The following PKHD1 variants were observed in gnomAD, a reference collection of about 807,000 sequenced individuals.
The protein encoded by PKHD1 is PKHD1 ciliary IPT domain containing fibrocystin/polyductin, also known as fibrocystin.
PKHD1 carries 291 observed loss-of-function variants against 412.0 expected under a neutral mutation model. The ratio of observed to expected loss-of-function variants is 0.71; its 90% CI spans 0.64 to 0.78. PKHD1 has a LOEUF of 0.78. Among genes scored for constraint, PKHD1 ranks in the 30% least tolerant of loss-of-function variants. The pLI is 0.00. For missense variants in PKHD1, 4,825 were observed against 4,950.7 expected, an observed-to-expected ratio of 0.97 and a Z score of 0.76; for synonymous variants, 1,777 against 1,821.5, an observed-to-expected ratio of 0.98 and a Z score of 0.62.
At chr6:51,951,496 A>G (rs1790359485) in intron 36 of PKHD1, among the ~76,000 whole-genome samples, 1 of 152,166 alleles carries the variant, frequency 6.6e-6, no homozygotes, top group Non-Finnish European at 1.5e-5. Context: ...CACCTCTCTA[A>G]GCAACTTGTT....
At chr6:51,680,225 G>C (rs1427219015) in intron 60 of PKHD1, among the ~76,000 whole-genome samples, 1 of 151,956 alleles carries the variant, frequency 6.6e-6, no homozygotes, top group African/African-American at 2.4e-5. Context: ...GATATTGGCA[G>C]CTAATCTCAG....
At chr6:51,867,668 A>G (rs1775296231) in intron 48 of PKHD1, among the ~76,000 whole-genome samples, 195 bp downstream of exon 48, 1 of 152,148 alleles carries the variant, frequency 6.6e-6, no homozygotes, top group South Asian at 2.1e-4. Flanking sequence ...ATTGCTAGTT[A>G]GCTGCCATTT....
chr6:51,917,725 G>A (rs1436965368), intron 37 of PKHD1, among the ~76,000 whole-genome samples: 2 of 152,176 alleles, frequency 1.3e-5, no homozygotes, highest in African/African-American at 4.8e-5. Flanking sequence ...GGCATGGCCA[G>A]AGTACAGGTA....
chr6:51,781,209 G>C (rs1034663563), intron 53 of PKHD1, among the ~76,000 whole-genome samples: 23 of 152,140 alleles, frequency 1.5e-4, no homozygotes, highest in African/African-American at 5.3e-4. Flanking sequence ...TTCTGAATTA[G>C]CTTTTAATTC....
At chr6:51,939,289 C>T (rs1457706069) in intron 36 of PKHD1, among the ~76,000 whole-genome samples, 2 of 151,194 alleles carry the variant, frequency 1.3e-5, no homozygotes, top group Non-Finnish European at 3.0e-5. Flanking sequence ...AACGCCCAGA[C>T]CCCTTCTCTC....
At chr6:51,906,391 T>C (rs1008947659) in intron 40 of PKHD1, 51 bp from the exon 41 acceptor site, 7 of 1,504,602 alleles carry the variant, frequency 4.7e-6, no homozygotes, top group Non-Finnish European at 6.5e-6. Context: ...TGAGATTCTG[T>C]TGACCATATT....
intron 28 of PKHD1, 35 bp from the exon 29 acceptor site, chr6:52,033,200 T>C (rs770399153): frequency 4.4e-6 from 7 of 1,573,784 alleles, no homozygotes; most frequent in Non-Finnish European, 1.7e-6. Context: ...AACCTCAGTT[T>C]TATTTTAAAG....
intron 54 of PKHD1, among the ~76,000 whole-genome samples, chr6:51,773,165 C>T (rs556851149): frequency 3.3e-5 from 5 of 151,894 alleles, no homozygotes; most frequent in Non-Finnish European, 7.4e-5. Context: ...TTTTGTTACA[C>T]ACTAGGTTCT....
intron 60 of PKHD1, among the ~76,000 whole-genome samples, chr6:51,731,008 C>T (rs1229998554): frequency 6.6e-6 from 1 of 152,168 alleles, no homozygotes; most frequent in Non-Finnish European, 1.5e-5. Flanking sequence ...TCAGCCTTGA[C>T]CTCTCAGGCT....
At chr6:52,056,584 ATT>A in intron 18 of PKHD1, 112 bp downstream of exon 18, 8 of 772,826 alleles carry the variant, frequency 1.0e-5, no homozygotes, top group Admixed American at 2.0e-5. Context: ...CAGGTTTCAT[ATT>A]TTTTTTTTAC....
At chr6:52,012,928 G>T (rs2128122008) in intron 34 of PKHD1, among the ~76,000 whole-genome samples, 1 of 152,264 alleles carries the variant, frequency 6.6e-6, no homozygotes, top group South Asian at 2.1e-4. Context: ...CTAGAATTTT[G>T]TCAGGGATAA....
intron 60 of PKHD1, among the ~76,000 whole-genome samples, chr6:51,698,455 T>C (rs1436700540): frequency 6.6e-6 from 1 of 152,208 alleles, no homozygotes; most frequent in Non-Finnish European, 1.5e-5. Flanking sequence ...CATGAAACAC[T>C]GGTCTAATGC....
intron 10 of PKHD1, 106 bp from the exon 11 acceptor site, chr6:52,069,633 T>C (rs1322858476): frequency 1.9e-5 from 16 of 828,066 alleles, no homozygotes; most frequent in Non-Finnish European, 3.4e-5. Flanking sequence ...TCTATTGATC[T>C]TTAGAACAGT....
At chr6:51,904,747 T>C (rs1209091907) in intron 41 of PKHD1, among the ~76,000 whole-genome samples, 2 of 152,218 alleles carry the variant, frequency 1.3e-5, no homozygotes, top group East Asian at 3.8e-4. Context: ...AAATTCTGCC[T>C]ACAGGTTTTC....
intron 37 of PKHD1, among the ~76,000 whole-genome samples, chr6:51,921,238 C>T (rs1315663016): frequency 1.3e-5 from 2 of 152,028 alleles, no homozygotes; most frequent in Non-Finnish European, 2.9e-5. Flanking sequence ...TAGGTCTTTC[C>T]TGCTTTCTCT....
Position 51,791,348 on chromosome 6 carries a change from A to T in PKHD1, c.8328T>A (p.Asp2776Glu), listed in dbSNP as rs763821893. Residue 2776 changes from aspartate (D) to glutamate (E), a missense_variant, in exon 53 of 67, where the codon GAT becomes GAA. By Grantham distance (45) the Asp-to-Glu change is conservative. Transcript: ENST00000371117. ...LPNRTVLVDT[D>E]LPFFKGLYVM... ...CATACAGCCCTTTGAAGAATGGAAG[A>T]TCTGTATCCACAAGGACAGTTCTGT... is the stretch of plus-strand genomic sequence containing the variant. The T allele has an allele frequency of 5.6e-6, 9 of 1,613,614 alleles. No individual in the cohort carries two copies. The highest frequency in any genetic ancestry group is 1.1e-5 in the South Asian group (1 of 91,068).
intron 60 of PKHD1, among the ~76,000 whole-genome samples, chr6:51,736,016 T>C (rs1279473665): frequency 6.6e-6 from 1 of 152,200 alleles, no homozygotes; most frequent in Non-Finnish European, 1.5e-5. Context: ...TTACCTAATG[T>C]CTACATCAGT....
At position 51,847,817 on chromosome 6, in the gene PKHD1, C is replaced by T. The variant is rs776855458; in HGVS notation, c.8065G>A (p.Asp2689Asn). Residue 2689 changes from aspartate (D) to asparagine (N), a missense_variant, in exon 50 of 67, where the codon GAC becomes AAC. By Grantham distance (23) the Asp-to-Asn change is conservative (BLOSUM62 1). Transcript: ENST00000371117. ...LPSPGQNQGC[D>N]WFFNSQLRQL... Reference sequence around the variant, plus strand: ...CTCAGCTGGCTATTGAAGAACCAGTCACAGCCTTGGTTCTGACCTGGTGAT... The same window carrying T: ...CTCAGCTGGCTATTGAAGAACCAGTTACAGCCTTGGTTCTGACCTGGTGAT... 6.2e-7 allele frequency: 1 copy of T among 1,614,000 alleles called. No homozygotes were observed. Among genetic ancestry groups the T allele is most frequent in the South Asian group, 1.1e-5 (1 of 91,072 alleles).
chr6:51,617,261 T>C lies in PKHD1; in HGVS notation c.*1820A>G, dbSNP rs986573829. 6.6e-6 allele frequency: 1 copy of C among 152,000 alleles called. No homozygotes were observed. Among genetic ancestry groups the C allele is most frequent in the Non-Finnish European group, 1.5e-5 (1 of 68,000 alleles). 9.4% of individuals were successfully genotyped at this position (152,000 alleles called of 1,614,324 possible). A position where few individuals can be genotyped will look rare whatever the true frequency, so the allele number is the denominator to read the frequency against. On this transcript the variant is annotated 3_prime_UTR_variant, in exon 67 of 67. Transcript: ENST00000371117. ...TGAGGATCCAATGAGTATACTAAAG[T>C]AGAGATTGCAAAGGCAAATGACTTC...
Sources: gnomAD v4.1 joint callset for allele counts (sites outside exome capture counted in the v4.1 genomes callset) on GRCh38, gnomAD v4.1.1 for gene constraint, MANE v1.5 for transcripts, NCBI Gene and HGNC (gene_info 2026-07-23, HGNC 2026-07-21) for gene names.